Variants in NEK10 observed in about 807,000 individuals in gnomAD.
NEK10 encodes the protein NIMA related kinase 10, also known as serine/threonine-protein kinase Nek10.
In NEK10, 122 loss-of-function variants were observed where a neutral mutation model predicts 159.8. That is an observed-to-expected ratio of 0.76 (90% CI 0.66 to 0.89). NEK10 has a LOEUF of 0.89. NEK10 is among the 40% of genes least tolerant of loss of function. The pLI is 0.00. For missense variants in NEK10, 1,342 were observed against 1,323.1 expected, an observed-to-expected ratio of 1.01 and a Z score of -0.22; for synonymous variants, 466 against 457.1, an observed-to-expected ratio of 1.02 and a Z score of -0.25.
At chr3:27,363,660 A>G (rs2048844364) in intron 1 of NEK10, 1 of 152,232 alleles carries the variant, frequency 6.6e-6, no homozygotes, top group South Asian at 2.1e-4. Flanking sequence ...AATATAAAGT[A>G]TTACATTGAT....
At position 27,203,451 on chromosome 3, in the gene NEK10, T is replaced by C. The variant is rs545808783; in HGVS notation, c.2091-894A>G. ...AATAATTTGCAACGGTTCATGAATC[T>C]ATTTTTTAATTTAATTAGATTTAAT... On this transcript the variant is annotated intron_variant, in intron 23 of 35. Transcript: ENST00000691995. 5.9e-5 allele frequency among the ~76,000 whole-genome samples: 9 copies of C among 152,356 alleles called. No homozygotes were observed. In the South Asian group the frequency reaches 8.3e-4, roughly 14 times the overall value.
At chr3:27,180,551 A>G (rs2148914225) in intron 26 of NEK10, among the ~76,000 whole-genome samples, 1 of 152,314 alleles carries the variant, frequency 6.6e-6, no homozygotes, top group Middle Eastern at 3.4e-3. Context: ...AAATTTACCA[A>G]TGCTTAAGGA....
intron 26 of NEK10, among the ~76,000 whole-genome samples, chr3:27,183,995 A>G (rs1948381599): frequency 6.6e-6 from 1 of 152,172 alleles, no homozygotes; most frequent in Non-Finnish European, 1.5e-5. Context: ...GAAAGTGTTA[A>G]ACAGTACAAT....
chr3:27,233,408 T>C (rs1236268667), intron 23 of NEK10, among the ~76,000 whole-genome samples: 2 of 151,968 alleles, frequency 1.3e-5, no homozygotes, highest in Admixed American at 6.6e-5. Context: ...AAACAATAGA[T>C]GTTGGTGTGG....
At chr3:27,164,179 T>C (rs1946274361) in intron 29 of NEK10, among the ~76,000 whole-genome samples, 2 of 152,142 alleles carry the variant, frequency 1.3e-5, no homozygotes, top group African/African-American at 4.8e-5. Context: ...ATAAGGAGCA[T>C]GTTTAAAAAA....
In NEK10 at chr3:27,346,197, T is replaced by C. The variant is rs2047540953; in HGVS notation, c.152A>G (p.Asp51Gly). The change falls in exon 4 of 36, where the codon GAT becomes GGT. Residue 51 changes from aspartate to glycine, a missense_variant. Transcript: ENST00000691995. Reference sequence around the variant, plus strand: ...CTTCGTCATGCTATTTTGGGCACTATCGAAGTTAATGGCTGGAAGCTACAG... The same window carrying C: ...CTTCGTCATGCTATTTTGGGCACTACCGAAGTTAATGGCTGGAAGCTACAG... Reference protein sequence around the residue: ...SKQQLPAINFDSAQNSMTKSE... With the variant: ...SKQQLPAINFGSAQNSMTKSE... The C allele has an allele frequency of 6.2e-7, 1 of 1,613,588 alleles. No individual in the cohort carries two copies. Among genetic ancestry groups the C allele is most frequent in the Admixed American group, 1.7e-5 (1 of 59,972 alleles).
chr3:27,160,111 A>AT (rs1014215953), intron 30 of NEK10, among the ~76,000 whole-genome samples: 10 of 152,260 alleles, frequency 6.6e-5, no homozygotes, highest in African/African-American at 2.2e-4. Context: ...TAATCAGCTT[A>AT]TTTTTTTTAA....
chr3:27,250,425 A>G (rs1373044378), intron 23 of NEK10, among the ~76,000 whole-genome samples: 1 of 152,074 alleles, frequency 6.6e-6, no homozygotes, highest in Non-Finnish European at 1.5e-5. Context: ...TGACCTCGTG[A>G]TCCACCTGCC....
At chr3:27,204,275 C>CTTTTTTTTTTTTTTTTTTTTT (rs1203026508) in intron 23 of NEK10, among the ~76,000 whole-genome samples, 26 of 63,942 alleles carry the variant, frequency 4.1e-4, no homozygotes, top group Admixed American at 7.4e-4. Context: ...GATAAATTTT[C>CTTTTTTTTTTTTTTTTTTTTT]TTTTTTTTTT....
chr3:27,204,971 G>A (rs1421987937), intron 23 of NEK10, among the ~76,000 whole-genome samples: 1 of 146,590 alleles, frequency 6.8e-6, no homozygotes, highest in East Asian at 2.0e-4. Flanking sequence ...TCCAGCACCT[G>A]TTGTTTCCTG....
chr3:27,249,774 T>C (rs556972435), intron 23 of NEK10, among the ~76,000 whole-genome samples: 2 of 152,356 alleles, frequency 1.3e-5, no homozygotes, highest in African/African-American at 4.8e-5. Flanking sequence ...TTATGTTTTC[T>C]GGTTGTTTTG....
intron 12 of NEK10, among the ~76,000 whole-genome samples, chr3:27,304,531 A>C (rs2044085183): frequency 6.6e-6 from 1 of 152,194 alleles, no homozygotes; most frequent in Non-Finnish European, 1.5e-5. Flanking sequence ...AAAGATAAAT[A>C]TATCTGGGTC....
chr3:27,276,724 C>T (rs776926533), intron 22 of NEK10, among the ~76,000 whole-genome samples: 6 of 152,178 alleles, frequency 3.9e-5, no homozygotes, highest in Admixed American at 6.5e-5. Flanking sequence ...ATCTCATTAA[C>T]TGGCCGACAA....
At chr3:27,193,526 T>C (rs1448459832) in intron 25 of NEK10, among the ~76,000 whole-genome samples, 2 of 151,494 alleles carry the variant, frequency 1.3e-5, no homozygotes, top group African/African-American at 2.4e-5. Flanking sequence ...CCAATGCGGC[T>C]ACCTGCACTT....
At chr3:27,215,085 C>G (rs1006558032) in intron 23 of NEK10, 1 of 510,522 alleles carries the variant, frequency 2.0e-6, no homozygotes, top group Non-Finnish European at 3.6e-6. Context: ...CTGCAAGTCT[C>G]GCGAGCTATT....
At chr3:27,261,377 T>C (rs1317521936) in intron 22 of NEK10, among the ~76,000 whole-genome samples, 1 of 152,228 alleles carries the variant, frequency 6.6e-6, no homozygotes, top group Non-Finnish European at 1.5e-5. Context: ...TAAATTTCCC[T>C]CTACACACTG....
At position 27,284,968 on chromosome 3, in the gene NEK10, A is replaced by G; in HGVS notation, c.1790-7T>C. On this transcript the variant is annotated splice_region_variant and splice_polypyrimidine_tract_variant and intron_variant, in intron 20 of 35. Coordinates refer to ENST00000691995, the MANE Select transcript of NEK10 (RefSeq NM_001394966.1). ...ACTATGTACAACCTATCATCTATAT[A>G]AATATCACAAAAGGTCACAGAAATT... 2.5e-6 allele frequency: 4 copies of G among 1,576,966 alleles called. No homozygotes were observed. The South Asian group carries it at 4.7e-5, about 18-fold the overall frequency.
chr3:27,280,582 A>G (rs762377734), intron 22 of NEK10, among the ~76,000 whole-genome samples: 83 of 152,182 alleles, frequency 5.5e-4, no homozygotes, highest in Admixed American at 4.4e-3. Context: ...ACAGGCGCAC[A>G]TACCCCCAGG....
intron 23 of NEK10, among the ~76,000 whole-genome samples, chr3:27,219,624 G>T (rs1951890443): frequency 6.6e-6 from 1 of 152,120 alleles, no homozygotes; most frequent in Admixed American, 6.5e-5. Context: ...AAGAGATTTT[G>T]TTTTTTAATT....
Sources: gnomAD v4.1 joint callset for allele counts (sites outside exome capture counted in the v4.1 genomes callset) on GRCh38, gnomAD v4.1.1 for gene constraint, MANE v1.5 for transcripts, NCBI Gene and HGNC (gene_info 2026-07-23, HGNC 2026-07-21) for gene names.